Variants in ZEB1 observed in about 807,000 individuals in gnomAD.
The protein encoded by ZEB1 is zinc finger E-box binding homeobox 1.
Under a neutral mutation model 84.9 loss-of-function variants are expected in ZEB1, and 21 were observed. That is an observed-to-expected ratio of 0.25 (90% CI 0.18 to 0.36). The LOEUF (loss-of-function observed/expected upper bound fraction) is 0.36, where lower values mean the gene tolerates loss of function less well. Ranked by LOEUF, ZEB1 falls within the 10% of genes least tolerant of loss-of-function variation. The pLI, the probability that ZEB1 is intolerant of heterozygous loss-of-function variation, is 1.00. For missense variants in ZEB1, 1,104 were observed against 1,330.2 expected (o/e 0.83, Z 2.65); for synonymous variants, 420 against 471.1 (o/e 0.89, Z 1.41).
chr10:31,461,162 C>A lies in ZEB1; in HGVS notation c.184C>A (p.Pro62Thr). The change falls in exon 2 of 9, where the codon CCA becomes ACA. Residue 62 changes from proline to threonine, a missense_variant. This residue lies in a region of ZEB1 where 162 missense variants were observed against 184.5 expected (regional missense o/e 0.88). Transcript: ENST00000424869. The part of the protein sequence containing the change: ...DCEGVPEDDL[P>T]TDQTVLPGRS... The stretch of plus-strand genomic sequence containing the variant: ...TGAAGGTGTACCAGAGGATGACCTG[C>A]CAACAGACCAGACAGTGTTACCAGG... The A allele has an allele frequency of 6.2e-7, 1 of 1,613,364 alleles. No homozygotes were observed. The highest frequency in any genetic ancestry group is 8.5e-7 in the Non-Finnish European group (1 of 1,179,670).
intron 1 of ZEB1, chr10:31,361,229 T>G: frequency 1.2e-6 from 2 of 1,609,978 alleles, no homozygotes; most frequent in African/African-American, 1.3e-5. Context: ...AGTCTTGCTC[T>G]GTCACCAGGC....
At chr10:31,458,839 A>G (rs2061525437) in intron 1 of ZEB1, among the ~76,000 whole-genome samples, 1 of 152,162 alleles carries the variant, frequency 6.6e-6, no homozygotes, top group Admixed American at 6.5e-5. Context: ...TCTGTATGAT[A>G]GAATGCTGTG....
chr10:31,523,889 CT>C, intron 7 of ZEB1, 43 bp from the exon 8 acceptor site: 1 of 1,595,194 alleles, frequency 6.3e-7, no homozygotes, highest in Non-Finnish European at 8.6e-7. Flanking sequence ...TCTTGTTTAT[CT>C]TTTAATGTTA....
chr10:31,461,437 A>G (rs1344049883), intron 2 of ZEB1, among the ~76,000 whole-genome samples, 200 bp downstream of exon 2: 2 of 152,164 alleles, frequency 1.3e-5, no homozygotes, highest in Non-Finnish European at 2.9e-5. Context: ...TACAATGCAT[A>G]TAATGTATTG....
chr10:31,325,991 A>G (rs768521948), intron 1 of ZEB1, among the ~76,000 whole-genome samples: 1 of 142,836 alleles, frequency 7.0e-6, no homozygotes, highest in Non-Finnish European at 1.5e-5. Flanking sequence ...TTTTAAGTAG[A>G]TAGTGCTGAG....
At chr10:31,510,954 A>G (rs1428092420) in intron 5 of ZEB1, 79 bp downstream of exon 5, 2 of 1,373,676 alleles carry the variant, frequency 1.5e-6, no homozygotes, top group Admixed American at 3.5e-5. Flanking sequence ...GGATTTTAAT[A>G]TATTTGAAAG....
Position 31,523,976 on chromosome 10 carries a change from AG to A in ZEB1, c.2650del (p.Asp884IlefsTer38). 6.2e-7 allele frequency: 1 copy of A among 1,614,024 alleles called. No individual in the cohort carries two copies. Among genetic ancestry groups the A allele is most frequent in the Non-Finnish European group, 8.5e-7 (1 of 1,179,942 alleles). ...DTSSEGVSNV[E>X]DQNDSDSTPP... is the part of the protein sequence containing the mutation. ...AGCTCAGAAGGAGTATCAAATGTAG[AG>A]GATCAGAATGACTCTGATTCTACAC... On this transcript the variant is annotated frameshift_variant, in exon 8 of 9. Coordinates refer to ENST00000424869, the MANE Select transcript of ZEB1 (RefSeq NM_001174096.2). LOFTEE classifies it high-confidence loss of function.
Position 31,521,225 on chromosome 10 carries a change from A to C in ZEB1, c.1893A>C (p.Glu631Asp). Reference sequence around the variant, plus strand: ...TGGATGTAGTAAAAAAGTGGTTTGAAAAGATGCAAGCTGGACAGATTTCAG... The same window carrying C: ...TGGATGTAGTAAAAAAGTGGTTTGACAAGATGCAAGCTGGACAGATTTCAG... ...LPLDVVKKWFEKMQAGQISVQ... is the reference protein window; with the variant it reads ...LPLDVVKKWFDKMQAGQISVQ... The change falls in exon 7 of 9, where the codon GAA (glutamate) becomes GAC (aspartate). Residue 631 changes from glutamate to aspartate, a missense_variant. By Grantham distance (45) the Glu-to-Asp change is conservative. Around this residue, in one of 7 missense-constraint regions of ZEB1, gnomAD observed 531 missense variants for 575.2 expected, o/e 0.92. Coordinates refer to ENST00000424869, the MANE Select transcript of ZEB1 (RefSeq NM_001174096.2). The C allele has an allele frequency of 6.2e-7, 1 of 1,614,120 alleles. No individual in the cohort carries two copies. Among genetic ancestry groups the C allele is most frequent in the Non-Finnish European group, 8.5e-7 (1 of 1,180,024 alleles).
intron 1 of ZEB1, among the ~76,000 whole-genome samples, chr10:31,335,495 A>G (rs2037826863): frequency 6.6e-6 from 1 of 152,164 alleles, no homozygotes; most frequent in South Asian, 2.1e-4. Context: ...TATATTAGAA[A>G]GTCACTTAAT....
intron 8 of ZEB1, among the ~76,000 whole-genome samples, chr10:31,525,071 A>G (rs1041132077): frequency 1.3e-5 from 2 of 152,234 alleles, no homozygotes; most frequent in Non-Finnish European, 2.9e-5. Flanking sequence ...AATGATTGGA[A>G]AAGATGAAAA....
At chr10:31,363,659 TAAACTTGC>T in intron 1 of ZEB1, 1 of 1,411,966 alleles carries the variant, frequency 7.1e-7, no homozygotes. Flanking sequence ...AGTTGAAGGT[TAAACTTGC>T]CTCTGAGACA....
chr10:31,443,501 C>T (rs563438604), intron 1 of ZEB1, among the ~76,000 whole-genome samples: 317 of 150,134 alleles, frequency 2.1e-3, no homozygotes, highest in Non-Finnish European at 3.7e-3. Flanking sequence ...CATGCTGGTG[C>T]GCTGCACCCA....
At chr10:31,408,626 G>C (rs1474503041) in intron 1 of ZEB1, among the ~76,000 whole-genome samples, 2 of 144,566 alleles carry the variant, frequency 1.4e-5, no homozygotes, top group African/African-American at 2.7e-5. Flanking sequence ...ACAAACCTGA[G>C]AAAAACAAGC....
At chr10:31,478,972 T>A (rs2064673989) in intron 2 of ZEB1, among the ~76,000 whole-genome samples, 1 of 151,810 alleles carries the variant, frequency 6.6e-6, no homozygotes, top group African/African-American at 2.4e-5. Context: ...CAAACCTCAC[T>A]ATTATGTAAT....
rs532483116 is a variant in ZEB1 at position 31,443,069 on chromosome 10, G to C, written c.59-17968G>C. The stretch of plus-strand genomic sequence containing the variant: ...TTTTGAAGCCAGAGAGAGCAAGAAA[G>C]TTGAGAGTGTACGTGAGAAGTGATT... On this transcript the variant is annotated intron_variant, in intron 1 of 8. Coordinates refer to ENST00000424869, the MANE Select transcript of ZEB1 (RefSeq NM_001174096.2). 7.9e-5 allele frequency among the ~76,000 whole-genome samples: 12 copies of C among 152,300 alleles called. No homozygotes were observed. The East Asian group carries it at 1.9e-3, about 24-fold the overall frequency.
At chr10:31,352,552 G>A (rs947008594) in intron 1 of ZEB1, among the ~76,000 whole-genome samples, 2 of 152,182 alleles carry the variant, frequency 1.3e-5, no homozygotes, top group African/African-American at 4.8e-5. Flanking sequence ...TCTGCTTTGT[G>A]TGGTCTTGGC....
intron 1 of ZEB1, among the ~76,000 whole-genome samples, chr10:31,382,579 C>A (rs1402300804): frequency 6.6e-6 from 1 of 151,732 alleles, no homozygotes; most frequent in African/African-American, 2.4e-5. Context: ...ACTAATTAGA[C>A]AAAAATCATC....
rs1158319592 is a variant in ZEB1 at position 31,355,154 on chromosome 10, A to G, written c.58+35862A>G. 4 of 152,294 alleles carry G rather than the reference A, an allele frequency of 2.6e-5. 1 individual carries two copies. Among genetic ancestry groups the G allele is most frequent in the Admixed American group, 2.0e-4 (3 of 15,290 alleles). 9.4% of individuals were successfully genotyped at this position (152,294 alleles called of 1,614,324 possible). A position where few individuals can be genotyped will look rare whatever the true frequency, so the allele number is the denominator to read the frequency against. On this transcript the variant is annotated intron_variant, in intron 1 of 8. Coordinates refer to ENST00000424869, the MANE Select transcript of ZEB1 (RefSeq NM_001174096.2). The stretch of plus-strand genomic sequence containing the variant: ...CTTTTTTTCTCTCAGCAGCTGTTTA[A>G]GGAAGACAGAGCAGGCATTGGATAA...
At chr10:31,487,980 C>A (rs1217935806) in intron 2 of ZEB1, among the ~76,000 whole-genome samples, 1 of 150,954 alleles carries the variant, frequency 6.6e-6, no homozygotes, top group Non-Finnish European at 1.5e-5. Flanking sequence ...TTATCATTTT[C>A]TTTTTGTATA....
Sources: allele counts gnomAD v4.1 joint callset (sites outside exome capture counted in the v4.1 genomes callset), GRCh38; gene constraint gnomAD v4.1.1; regional missense constraint gnomAD v4.1.1; transcripts MANE v1.5; gene names NCBI Gene and HGNC (gene_info 2026-07-23, HGNC 2026-07-21).